The following RSPO2 variants were observed in gnomAD, a reference collection of about 807,000 sequenced individuals.
The protein encoded by RSPO2 is R-spondin 2.
RSPO2 carries 14 observed loss-of-function variants against 30.9 expected under a neutral mutation model. That is an observed-to-expected ratio of 0.45 (90% CI 0.30 to 0.71). The LOEUF is 0.71. Ranked by LOEUF, RSPO2 falls within the 30% of genes least tolerant of loss-of-function variation. The pLI is 0.08. For synonymous variants in RSPO2, 107 were observed against 96.4 expected, an observed-to-expected ratio of 1.11 and a Z score of -0.64; for missense variants, 264 against 301.9, an observed-to-expected ratio of 0.87 and a Z score of 0.93.
chr8:107,927,739 G>T (rs1287488737), intron 5 of RSPO2, among the ~76,000 whole-genome samples: 1 of 152,150 alleles, frequency 6.6e-6, no homozygotes, highest in Non-Finnish European at 1.5e-5. Context: ...GCATCCCAGG[G>T]ATGAATCCCA....
intron 3 of RSPO2, among the ~76,000 whole-genome samples, chr8:107,988,071 G>A (rs542510768): frequency 1.3e-4 from 19 of 151,888 alleles, no homozygotes; most frequent in African/African-American, 4.6e-4. Context: ...TGTTCCTTTG[G>A]TATCTATTTT....
intron 3 of RSPO2, among the ~76,000 whole-genome samples, chr8:107,970,476 T>C (rs979420263): frequency 1.3e-5 from 2 of 151,774 alleles, no homozygotes; most frequent in African/African-American, 4.8e-5. Context: ...AAATAAAGAG[T>C]TTTATTTTGA....
At chr8:107,971,428 T>C (rs150419368) in intron 3 of RSPO2, among the ~76,000 whole-genome samples, 143 of 152,344 alleles carry the variant, frequency 9.4e-4, no homozygotes, top group African/African-American at 3.1e-3. Context: ...ATATAATCTA[T>C]CTTCCAGGAC....
intron 5 of RSPO2, among the ~76,000 whole-genome samples, chr8:107,932,499 G>A (rs1476519595): frequency 6.6e-6 from 1 of 152,062 alleles, no homozygotes; most frequent in Non-Finnish European, 1.5e-5. Flanking sequence ...ATTAGGCGCT[G>A]GAGTAATAAC....
chr8:107,940,411 C>T (rs1265619652), intron 5 of RSPO2, among the ~76,000 whole-genome samples: 1 of 152,158 alleles, frequency 6.6e-6, no homozygotes, highest in Non-Finnish European at 1.5e-5. Flanking sequence ...TTCCATCCCT[C>T]CCCTGGCTAT....
chr8:107,919,735 T>TGGC (rs747410168), intron 5 of RSPO2, among the ~76,000 whole-genome samples: 8 of 152,244 alleles, frequency 5.3e-5, no homozygotes, highest in Non-Finnish European at 8.8e-5. Context: ...CCTGGCTCAC[T>TGGC]GGCTTCCCTC....
chr8:107,948,153 A>G (rs1813126279), intron 5 of RSPO2, among the ~76,000 whole-genome samples: 1 of 152,204 alleles, frequency 6.6e-6, no homozygotes, highest in Non-Finnish European at 1.5e-5. Flanking sequence ...TTTGCCTTTT[A>G]TCTTTAATGT....
At chr8:107,917,729 T>C (rs187013454) in intron 5 of RSPO2, among the ~76,000 whole-genome samples, 3 of 152,328 alleles carry the variant, frequency 2.0e-5, no homozygotes, top group Non-Finnish European at 4.4e-5. Context: ...TATATTTGTA[T>C]AAATACGTTA....
intron 2 of RSPO2, among the ~76,000 whole-genome samples, chr8:108,061,190 A>C (rs1269273964): frequency 6.6e-6 from 1 of 151,796 alleles, no homozygotes; most frequent in Non-Finnish European, 1.5e-5. Context: ...AACAATATTA[A>C]CCTTAAATGT....
At chr8:107,984,918 G>GA (rs1814573638) in intron 3 of RSPO2, among the ~76,000 whole-genome samples, 1 of 152,100 alleles carries the variant, frequency 6.6e-6, no homozygotes, top group African/African-American at 2.4e-5. Context: ...GGAGTTAAAT[G>GA]TATCTACTTT....
chr8:108,017,448 G>A (rs967782689), intron 2 of RSPO2, among the ~76,000 whole-genome samples: 1 of 152,220 alleles, frequency 6.6e-6, no homozygotes, highest in Admixed American at 6.5e-5. Context: ...GGGCTCTTGT[G>A]TAGTGAGGAA....
chr8:107,949,685 T>C (rs749167061), intron 5 of RSPO2, among the ~76,000 whole-genome samples: 1 of 152,124 alleles, frequency 6.6e-6, no homozygotes, highest in Non-Finnish European at 1.5e-5. Flanking sequence ...GACATGGACT[T>C]AGAGTATGGA....
At chr8:107,999,906 G>A (rs980665742) in intron 2 of RSPO2, among the ~76,000 whole-genome samples, 11 of 152,062 alleles carry the variant, frequency 7.2e-5, no homozygotes, top group Non-Finnish European at 1.5e-4. Context: ...CTCATACATT[G>A]GCACCTCTGA....
Position 108,080,026 on chromosome 8 carries a change from C to A in RSPO2, c.94+2519G>T, listed in dbSNP as rs568706786. Among the ~76,000 whole-genome samples the A allele has an allele frequency of 5.3e-5, 8 of 152,278 alleles. No individual in the cohort carries two copies. The South Asian group carries it at 1.7e-3, about 32-fold the overall frequency. ...AAAGCCAATTGTTTGGTATGCACAA[C>A]AATTGGTGTAGGATCAATCAGTGGA... On this transcript the variant is annotated intron_variant, in intron 2 of 5. Transcript: ENST00000276659.
At chr8:108,073,256 T>C (rs2130728772) in intron 2 of RSPO2, among the ~76,000 whole-genome samples, 1 of 152,224 alleles carries the variant, frequency 6.6e-6, no homozygotes, top group East Asian at 1.9e-4. Context: ...GTTTCGCCCC[T>C]GAACCAATAG....
intron 2 of RSPO2, among the ~76,000 whole-genome samples, chr8:108,017,281 T>C (rs1810921577): frequency 6.6e-6 from 1 of 152,186 alleles, no homozygotes; most frequent in African/African-American, 2.4e-5. Context: ...CCTCTCAAAG[T>C]GCTGGGATTA....
At chr8:107,930,133 G>A (rs1812507515) in intron 5 of RSPO2, among the ~76,000 whole-genome samples, 1 of 152,122 alleles carries the variant, frequency 6.6e-6, no homozygotes, top group Admixed American at 6.5e-5. Flanking sequence ...CATTTCACAT[G>A]TATTGACTTA....
chr8:107,998,204 A>G (rs1372033450), intron 2 of RSPO2, among the ~76,000 whole-genome samples: 1 of 152,132 alleles, frequency 6.6e-6, no homozygotes, highest in Non-Finnish European at 1.5e-5. Context: ...GAAGAAAAAA[A>G]AAAACCCATA....
chr8:107,963,187 C>G (rs1392962297), intron 3 of RSPO2, among the ~76,000 whole-genome samples: 1 of 148,906 alleles, frequency 6.7e-6, no homozygotes, highest in Non-Finnish European at 1.5e-5. Flanking sequence ...TTTAAAAGTA[C>G]AAGGTGAAGT....
Sources: allele counts gnomAD v4.1 joint callset (sites outside exome capture counted in the v4.1 genomes callset), GRCh38; gene constraint gnomAD v4.1.1; transcripts MANE v1.5; gene names NCBI Gene and HGNC (gene_info 2026-07-23, HGNC 2026-07-21).